The following PDIA5 variants were observed in gnomAD, a reference collection of about 807,000 sequenced individuals.
PDIA5 encodes the protein protein disulfide isomerase family A member 5, also known as protein disulfide-isomerase A5.
Under a neutral mutation model 77.6 loss-of-function variants are expected in PDIA5, and 58 were observed. The observed-to-expected ratio is 0.75, with a 90% CI of 0.61 to 0.93. The LOEUF (loss-of-function observed/expected upper bound fraction) is 0.93. Among genes scored for constraint, PDIA5 ranks in the 40% least tolerant of loss-of-function variants. PDIA5 has a pLI of 0.00. For missense variants in PDIA5, 630 were observed against 647.7 expected, an observed-to-expected ratio of 0.97 and a Z score of 0.30; for synonymous variants, 250 against 252.1, an observed-to-expected ratio of 0.99 and a Z score of 0.08.
intron 15 of PDIA5, among the ~76,000 whole-genome samples, chr3:123,160,029 C>T (rs1433923983): frequency 6.6e-6 from 1 of 152,180 alleles, no homozygotes. Flanking sequence ...TAATTTCTTC[C>T]AAGCATTCAT....
At chr3:123,135,681 A>G (rs1935482164) in intron 11 of PDIA5, among the ~76,000 whole-genome samples, 1 of 147,324 alleles carries the variant, frequency 6.8e-6, no homozygotes, top group Admixed American at 6.7e-5. Flanking sequence ...TCTAGAAGGT[A>G]TAGTAAAATA....
At chr3:123,082,432 A>C (rs187953598) in intron 1 of PDIA5, among the ~76,000 whole-genome samples, 13 of 151,960 alleles carry the variant, frequency 8.6e-5, no homozygotes, top group Non-Finnish European at 5.9e-5. Context: ...GTACCTACCC[A>C]CTGGGGTATT....
intron 12 of PDIA5, 100 bp downstream of exon 12, chr3:123,145,692 T>C: frequency 2.0e-6 from 2 of 1,006,258 alleles, no homozygotes; most frequent in Non-Finnish European, 3.1e-6. Flanking sequence ...GCAGCTCCCG[T>C]GGTCCGTGGA....
chr3:123,114,592 G>A (rs922700717), intron 7 of PDIA5, among the ~76,000 whole-genome samples: 3 of 152,172 alleles, frequency 2.0e-5, no homozygotes, highest in East Asian at 1.9e-4. Flanking sequence ...CTTCCTCTGC[G>A]CCATCTGCAG....
chr3:123,125,675 A>G (rs968860933), intron 10 of PDIA5, among the ~76,000 whole-genome samples: 7 of 152,218 alleles, frequency 4.6e-5, no homozygotes, highest in African/African-American at 1.4e-4. Flanking sequence ...AAAAATGCAC[A>G]TGAAACTAAC....
rs759365811 is a variant in PDIA5, at chr3:123,111,000, C to A, written c.537C>A (p.Ala179=). The change falls in exon 7 of 17, where the codon GCC becomes GCA. Residue 179 remains alanine (A), a synonymous_variant. Transcript: ENST00000316218. ...EEKPLLIMFY[A]PWCSMCKRMM... ...AGCCGCTCCTGATCATGTTTTATGC[C>A]CCCTGTGAGTGAACTTTCTCCCTTG... The A allele has an allele frequency of 1.9e-6, 3 of 1,613,046 alleles. No individual in the cohort carries two copies. In the African/African-American group the frequency reaches 4.0e-5, roughly 22 times the overall value.
intron 15 of PDIA5, among the ~76,000 whole-genome samples, chr3:123,157,845 G>A (rs1169462113): frequency 1.3e-5 from 2 of 152,246 alleles, no homozygotes; most frequent in Non-Finnish European, 2.9e-5. Context: ...AAGGGGCAAG[G>A]CAGACAGGAC....
chr3:123,080,344 G>T (rs1240209442), intron 1 of PDIA5, among the ~76,000 whole-genome samples: 2 of 152,164 alleles, frequency 1.3e-5, no homozygotes, highest in African/African-American at 4.8e-5. Context: ...GACGGTATGT[G>T]AGGAATTTTG....
chr3:123,075,867 CAAGTT>C lies in PDIA5; in HGVS notation c.42+8664_42+8668del, dbSNP rs1431287506. Among the ~76,000 whole-genome samples the C allele has an allele frequency of 6.6e-5, 10 of 152,266 alleles. No individual in the cohort carries two copies. The East Asian group carries it at 1.9e-3, about 29-fold the overall frequency. On this transcript the variant is annotated intron_variant, in intron 1 of 16. Transcript: ENST00000316218. ...AAAGCTACAAAACTAGACACATTTC[CAAGTT>C]AATCTTATATGGCTGGTGGTATTTT... is the stretch of plus-strand genomic sequence containing the variant.
chr3:123,080,063 C>T (rs1435278099), intron 1 of PDIA5, among the ~76,000 whole-genome samples: 7 of 152,034 alleles, frequency 4.6e-5, no homozygotes, highest in Admixed American at 4.6e-4. Flanking sequence ...TTTGAGGTCA[C>T]ACGTGAGGAA....
At chr3:123,111,116 A>G (rs1265353472) in intron 7 of PDIA5, 112 bp downstream of exon 7, 6 of 762,974 alleles carry the variant, frequency 7.9e-6, no homozygotes, top group South Asian at 5.9e-5. Context: ...TGCCTGGCTT[A>G]GAACGCTGAA....
At chr3:123,113,436 T>C (rs925284240) in intron 7 of PDIA5, among the ~76,000 whole-genome samples, 5 of 152,096 alleles carry the variant, frequency 3.3e-5, no homozygotes, top group Admixed American at 2.6e-4. Context: ...AAGAGAAAGC[T>C]GGGGCAGGGG....
intron 1 of PDIA5, among the ~76,000 whole-genome samples, chr3:123,081,155 C>G (rs1933992289): frequency 6.6e-6 from 1 of 152,160 alleles, no homozygotes; most frequent in African/African-American, 2.4e-5. Flanking sequence ...CAGGGAAACT[C>G]AATGGTTTCT....
intron 10 of PDIA5, among the ~76,000 whole-genome samples, chr3:123,129,631 G>T (rs1935327092): frequency 6.6e-6 from 1 of 152,240 alleles, no homozygotes; most frequent in Non-Finnish European, 1.5e-5. Flanking sequence ...CAGTAAAGCA[G>T]CAGGGAGACT....
intron 7 of PDIA5, among the ~76,000 whole-genome samples, chr3:123,111,871 C>A (rs1289707254): frequency 6.6e-6 from 1 of 152,196 alleles, no homozygotes; most frequent in African/African-American, 2.4e-5. Flanking sequence ...ATTTTCTGTT[C>A]TGTTTTTTTA....
chr3:123,140,004 G>T (rs1328566431), intron 11 of PDIA5, among the ~76,000 whole-genome samples: 1 of 152,196 alleles, frequency 6.6e-6, no homozygotes, highest in Non-Finnish European at 1.5e-5. Flanking sequence ...TTGGGAGAGG[G>T]CATGATAGCA....
intron 1 of PDIA5, among the ~76,000 whole-genome samples, chr3:123,078,694 G>A (rs1389487746): frequency 2.0e-5 from 3 of 152,228 alleles, no homozygotes; most frequent in East Asian, 3.9e-4. Flanking sequence ...ATTTGATTCA[G>A]GACCCAAACC....
At chr3:123,156,389 T>C (rs1936020270) in intron 15 of PDIA5, among the ~76,000 whole-genome samples, 3 of 152,150 alleles carry the variant, frequency 2.0e-5, no homozygotes, top group African/African-American at 7.2e-5. Context: ...AAGCGTTTTC[T>C]CCTCTGCCTG....
At chr3:123,121,689 C>CAAGT (rs1935126168) in intron 8 of PDIA5, among the ~76,000 whole-genome samples, 2 of 152,140 alleles carry the variant, frequency 1.3e-5, no homozygotes, top group Admixed American at 1.3e-4. Context: ...TGGAAGGCAC[C>CAAGT]AAGTGGGGGC....
Sources: gnomAD v4.1 joint callset for allele counts (sites outside exome capture counted in the v4.1 genomes callset) on GRCh38, gnomAD v4.1.1 for gene constraint, MANE v1.5 for transcripts, NCBI Gene and HGNC (gene_info 2026-07-23, HGNC 2026-07-21) for gene names.